Variants in CSGALNACT1 observed in about 807,000 individuals in gnomAD.
CSGALNACT1 encodes the protein beta4GalNAcT-1.
CSGALNACT1 carries 52 observed loss-of-function variants against 51.0 expected under a neutral mutation model. The observed-to-expected ratio is 1.02, with a 90% CI of 0.82 to 1.29. CSGALNACT1 has a LOEUF of 1.29. CSGALNACT1 is among the 50% of genes most tolerant of loss of function. The pLI, the probability that CSGALNACT1 is intolerant of heterozygous loss-of-function variation, is 0.00. For synonymous variants in CSGALNACT1, 341 were observed against 254.4 expected (o/e 1.34, Z -3.24); for missense variants, 935 against 679.2 (o/e 1.38, Z -4.19).
intron 1 of CSGALNACT1, among the ~76,000 whole-genome samples, chr8:19,673,174 T>A (rs1589426600): frequency 1.3e-5 from 2 of 152,314 alleles, no homozygotes; most frequent in Admixed American, 6.5e-5. Flanking sequence ...CAGCCATTCA[T>A]CCACTGCACT....
intron 5 of CSGALNACT1, among the ~76,000 whole-genome samples, chr8:19,444,300 G>C (rs908106723): frequency 5.3e-5 from 8 of 152,168 alleles, no homozygotes; most frequent in Non-Finnish European, 1.5e-5. Flanking sequence ...ATCATCTAGG[G>C]AATAATGACA....
At position 19,584,787 on chromosome 8, in the gene CSGALNACT1, C is replaced by T. The variant is rs189692195; in HGVS notation, c.-297+6373G>A. Among the ~76,000 whole-genome samples, 65 of 152,228 alleles carry T rather than the reference C, an allele frequency of 4.3e-4. No individual in the cohort carries two copies. In the South Asian group the frequency reaches 5.8e-3, roughly 14 times the overall value. ...AAGCATTAAACCATCAGTTATAAGG[C>T]AGTTATAAAGCATCTCTTTATGATT... On this transcript the variant is annotated intron_variant, in intron 3 of 9. Coordinates refer to ENST00000454498, the Ensembl canonical transcript of CSGALNACT1.
chr8:19,540,295 A>C (rs768647210), intron 3 of CSGALNACT1, among the ~76,000 whole-genome samples: 2 of 152,192 alleles, frequency 1.3e-5, no homozygotes, highest in Non-Finnish European at 2.9e-5. Flanking sequence ...TAAAAAGGCT[A>C]TTAAAGGGAC....
At chr8:19,487,789 T>C (rs1271161505) in intron 4 of CSGALNACT1, among the ~76,000 whole-genome samples, 1 of 152,146 alleles carries the variant, frequency 6.6e-6, no homozygotes, top group Non-Finnish European at 1.5e-5. Context: ...AGAAAAGGGC[T>C]GTAGGTATCA....
chr8:19,642,639 G>C (rs1245084338), intron 1 of CSGALNACT1, among the ~76,000 whole-genome samples: 1 of 151,870 alleles, frequency 6.6e-6, no homozygotes, highest in Non-Finnish European at 1.5e-5. Flanking sequence ...AAAACTAGCT[G>C]GGCATGGTGG....
At chr8:19,581,465 C>A (rs1564137763) in intron 3 of CSGALNACT1, among the ~76,000 whole-genome samples, 1 of 152,110 alleles carries the variant, frequency 6.6e-6, no homozygotes, top group Non-Finnish European at 1.5e-5. Flanking sequence ...AATTGTGAAA[C>A]ACAAATTTTG....
chr8:19,490,852 C>A (rs1038898352), intron 4 of CSGALNACT1, among the ~76,000 whole-genome samples: 1 of 152,220 alleles, frequency 6.6e-6, no homozygotes, highest in Non-Finnish European at 1.5e-5. Flanking sequence ...TTTCTGGATT[C>A]TCCAGGTGAT....
intron 3 of CSGALNACT1, among the ~76,000 whole-genome samples, chr8:19,555,442 C>T (rs1007476582): frequency 6.6e-6 from 1 of 152,118 alleles, no homozygotes; most frequent in Non-Finnish European, 1.5e-5. Flanking sequence ...GAGAGGTCCA[C>T]TTTAAAGGGC....
chr8:19,555,391 G>C lies in CSGALNACT1; in HGVS notation c.-297+35769C>G, dbSNP rs148984755. Among the ~76,000 whole-genome samples, 1,128 of 152,276 alleles carry C rather than the reference G, an allele frequency of 7.4e-3. 15 individuals carry two copies. Among genetic ancestry groups the C allele is most frequent in the African/African-American group, 0.026 (1,072 of 41,552 alleles). ...TGTTGTGATGCAGGCGAAGGAGGTA[G>C]AGTTTGAAGAAAGAAAATGACAAAC... On this transcript the variant is annotated intron_variant, in intron 3 of 9. Transcript: ENST00000454498.
intron 8 of CSGALNACT1, among the ~76,000 whole-genome samples, chr8:19,415,861 T>C (rs1022843519): frequency 5.3e-5 from 8 of 152,212 alleles, no homozygotes; most frequent in African/African-American, 1.9e-4. Flanking sequence ...GAGAAGTTTC[T>C]CTGTCAATGA....
At chr8:19,519,066 A>C (rs968999656) in intron 3 of CSGALNACT1, among the ~76,000 whole-genome samples, 20 of 152,314 alleles carry the variant, frequency 1.3e-4, no homozygotes, top group African/African-American at 4.6e-4. Flanking sequence ...GATGGTTTTA[A>C]AACATTCTTT....
chr8:19,630,007 G>T (rs2054995312), intron 1 of CSGALNACT1, among the ~76,000 whole-genome samples: 1 of 152,136 alleles, frequency 6.6e-6, no homozygotes, highest in Non-Finnish European at 1.5e-5. Context: ...ACATCCTAAA[G>T]ATCTCAACAT....
At chr8:19,477,777 T>C in intron 4 of CSGALNACT1, among the ~76,000 whole-genome samples, 1 of 152,190 alleles carries the variant, frequency 6.6e-6, no homozygotes. Flanking sequence ...AGGGTGGTTG[T>C]GAGGACTGAA....
intron 4 of CSGALNACT1, among the ~76,000 whole-genome samples, chr8:19,483,343 A>T (rs994036437): frequency 6.6e-6 from 1 of 152,260 alleles, no homozygotes; most frequent in African/African-American, 2.4e-5. Flanking sequence ...AAAGCACTTC[A>T]TTATGTCTGG....
At chr8:19,670,617 C>T (rs73214702) in intron 1 of CSGALNACT1, among the ~76,000 whole-genome samples, 13,388 of 124,114 alleles carry the variant, frequency 0.11, 800 homozygotes, top group African/African-American at 0.18. Flanking sequence ...GATATCAACC[C>T]TCAGACCAGA....
intron 2 of CSGALNACT1, among the ~76,000 whole-genome samples, chr8:19,599,837 T>C (rs1436666756): frequency 2.0e-5 from 3 of 152,170 alleles, no homozygotes; most frequent in Admixed American, 1.3e-4. Context: ...GAAACCAACG[T>C]GCACATTGAG....
At chr8:19,417,778 C>T (rs1015459578) in intron 8 of CSGALNACT1, among the ~76,000 whole-genome samples, 3 of 152,236 alleles carry the variant, frequency 2.0e-5, no homozygotes, top group Admixed American at 6.5e-5. Context: ...CTCATCTCCC[C>T]GCAGGAAAAA....
chr8:19,600,261 C>A (rs1227974654), intron 2 of CSGALNACT1, among the ~76,000 whole-genome samples: 1 of 152,060 alleles, frequency 6.6e-6, no homozygotes, highest in Non-Finnish European at 1.5e-5. Context: ...TTTATATTTA[C>A]AGTAGAGATG....
intron 6 of CSGALNACT1, 117 bp downstream of exon 5, chr8:19,439,713 A>G: frequency 1.2e-6 from 1 of 802,388 alleles, no homozygotes; most frequent in Non-Finnish European, 2.1e-6. Context: ...CAATCAATCC[A>G]TCCCAGTTCA....
Sources: gnomAD v4.1 joint callset for allele counts (sites outside exome capture counted in the v4.1 genomes callset) on GRCh38, gnomAD v4.1.1 for gene constraint, MANE v1.5 for transcripts, NCBI Gene and HGNC (gene_info 2026-07-23, HGNC 2026-07-21) for gene names.